The following SYT17 variants were observed in gnomAD, a reference collection of about 807,000 sequenced individuals.
The protein encoded by SYT17 is synaptotagmin 17, also known as synaptotagmin-17.
SYT17 carries 22 observed loss-of-function variants against 46.7 expected under a neutral mutation model. That is an observed-to-expected ratio of 0.47 (90% CI 0.34 to 0.67). The LOEUF is 0.67. Ranked by LOEUF, SYT17 falls within the 30% of genes least tolerant of loss-of-function variation. The pLI, the probability that SYT17 is intolerant of heterozygous loss-of-function variation, is 0.01. For synonymous variants in SYT17, 251 were observed against 248.4 expected (o/e 1.01, Z -0.10); for missense variants, 519 against 612.8 (o/e 0.85, Z 1.62).
At chr16:19,239,373 C>A (rs377258335) in intron 7 of SYT17, among the ~76,000 whole-genome samples, 2 of 152,122 alleles carry the variant, frequency 1.3e-5, no homozygotes, top group African/African-American at 4.8e-5. Context: ...TCTAGTGTCA[C>A]CTGTCTGCCT....
intron 4 of SYT17, among the ~76,000 whole-genome samples, chr16:19,182,715 C>T (rs1033498332): frequency 1.3e-5 from 2 of 152,182 alleles, no homozygotes; most frequent in East Asian, 1.9e-4. Context: ...GAGGGATGTG[C>T]AAAGGTTGGA....
chr16:19,266,402 T>TA (rs1186277386), intron 7 of SYT17, among the ~76,000 whole-genome samples: 2 of 152,232 alleles, frequency 1.3e-5, no homozygotes, highest in Non-Finnish European at 2.9e-5. Context: ...ACAGGACAGT[T>TA]ACGGCAAAGG....
chr16:19,178,381 G>A (rs1171516673), intron 3 of SYT17, among the ~76,000 whole-genome samples: 3 of 150,950 alleles, frequency 2.0e-5, no homozygotes, highest in South Asian at 2.1e-4. Context: ...CACCGTGCCC[G>A]CCCAGTTTCA....
chr16:19,224,964 T>G, intron 7 of SYT17, 126 bp downstream of exon 7: 1 of 1,058,748 alleles, frequency 9.4e-7, no homozygotes, highest in East Asian at 2.5e-5. Flanking sequence ...ACTACCTGGG[T>G]TTGAACCCAC....
At chr16:19,209,345 T>C (rs1437387879) in intron 5 of SYT17, among the ~76,000 whole-genome samples, 1 of 152,042 alleles carries the variant, frequency 6.6e-6, no homozygotes, top group Middle Eastern at 3.2e-3. Flanking sequence ...TACACAATGA[T>C]CAAAAAGAAA....
chr16:19,265,429 T>G (rs1486615075), intron 7 of SYT17, among the ~76,000 whole-genome samples: 9 of 152,238 alleles, frequency 5.9e-5, no homozygotes, highest in Non-Finnish European at 1.5e-5. Context: ...TAAGTCTTTT[T>G]GGCTTTTGGA....
At chr16:19,232,190 G>C (rs969641366) in intron 7 of SYT17, among the ~76,000 whole-genome samples, 1 of 152,208 alleles carries the variant, frequency 6.6e-6, no homozygotes, top group African/African-American at 2.4e-5. Context: ...CATAGGCTTA[G>C]AGGGGCCTCA....
chr16:19,176,135 G>A (rs1964303848), intron 3 of SYT17, among the ~76,000 whole-genome samples: 1 of 151,986 alleles, frequency 6.6e-6, no homozygotes, highest in South Asian at 2.1e-4. Flanking sequence ...TGTCATCAGA[G>A]CCTTTCTCTC....
chr16:19,199,139 G>C (rs1965365989), intron 5 of SYT17, among the ~76,000 whole-genome samples: 1 of 152,170 alleles, frequency 6.6e-6, no homozygotes, highest in Admixed American at 6.5e-5. Flanking sequence ...TGAGAGCCTG[G>C]TCCCTGCCCT....
intron 7 of SYT17, among the ~76,000 whole-genome samples, chr16:19,250,407 G>GTGTGTGTGTGTGTGT (rs1555463131): frequency 1.4e-5 from 2 of 146,510 alleles, no homozygotes; most frequent in South Asian, 4.4e-4. Context: ...GTGTGTGTTT[G>GTGTGTGTGTGTGTGT]GAGACAGGGT....
chr16:19,194,514 C>G (rs1181007201), intron 5 of SYT17, among the ~76,000 whole-genome samples: 1 of 152,220 alleles, frequency 6.6e-6, no homozygotes, highest in Admixed American at 6.5e-5. Context: ...TGCTGATGTA[C>G]AGGAAAAGGT....
chr16:19,237,229 G>A (rs779860553), intron 7 of SYT17, among the ~76,000 whole-genome samples: 34 of 152,170 alleles, frequency 2.2e-4, no homozygotes, highest in Non-Finnish European at 4.4e-4. Flanking sequence ...CCACGACATT[G>A]ATGTTCCTGT....
chr16:19,245,829 T>G (rs926693271), intron 7 of SYT17, among the ~76,000 whole-genome samples: 1 of 152,152 alleles, frequency 6.6e-6, no homozygotes, highest in African/African-American at 2.4e-5. Flanking sequence ...GAATATCACC[T>G]GAATGCGGTG....
chr16:19,245,324 TACAGTG>T (rs1435028053), intron 7 of SYT17, among the ~76,000 whole-genome samples: 1 of 152,190 alleles, frequency 6.6e-6, no homozygotes, highest in Non-Finnish European at 1.5e-5. Flanking sequence ...CCAAATATCC[TACAGTG>T]AACACATAAC....
intron 4 of SYT17, among the ~76,000 whole-genome samples, chr16:19,182,777 C>A (rs143320874): frequency 6.6e-6 from 1 of 152,222 alleles, no homozygotes; most frequent in Non-Finnish European, 1.5e-5. Context: ...GGGAGAGAGG[C>A]GGCCCGTAAG....
chr16:19,246,279 G>A (rs377150855), intron 7 of SYT17, among the ~76,000 whole-genome samples: 1 of 151,966 alleles, frequency 6.6e-6, no homozygotes, highest in South Asian at 2.1e-4. Context: ...GGTGTGAGCC[G>A]CCATATCTGG....
At chr16:19,265,696 C>T (rs1180569331) in intron 7 of SYT17, among the ~76,000 whole-genome samples, 2 of 152,240 alleles carry the variant, frequency 1.3e-5, no homozygotes, top group Non-Finnish European at 2.9e-5. Context: ...ATAACACAGG[C>T]ATAGCCTGCT....
chr16:19,180,331 C>A, intron 3 of SYT17, 60 bp from the exon 4 acceptor site: 2 of 1,592,824 alleles, frequency 1.3e-6, no homozygotes, highest in Non-Finnish European at 1.7e-6. Context: ...CCCCAAGGGA[C>A]AGAGATGCCA....
At chr16:19,177,967 TG>T (rs1964381739) in intron 3 of SYT17, among the ~76,000 whole-genome samples, 2 of 152,228 alleles carry the variant, frequency 1.3e-5, no homozygotes, top group Admixed American at 1.3e-4. Flanking sequence ...CTGGCTTAGC[TG>T]GGGTTCTGCC....
Sources: gnomAD v4.1 joint callset for allele counts (sites outside exome capture counted in the v4.1 genomes callset) on GRCh38, gnomAD v4.1.1 for gene constraint, MANE v1.5 for transcripts, NCBI Gene and HGNC (gene_info 2026-07-23, HGNC 2026-07-21) for gene names.